Variants in TFCP2L1 observed in about 807,000 individuals in gnomAD.
TFCP2L1 encodes the protein transcription factor CP2 like 1, also known as transcription factor CP2-like protein 1.
TFCP2L1 carries 12 observed loss-of-function variants against 72.2 expected under a neutral mutation model. The observed-to-expected ratio is 0.17, with a 90% CI of 0.11 to 0.27. The LOEUF (loss-of-function observed/expected upper bound fraction) is 0.27, where lower values mean the gene tolerates loss of function less well. TFCP2L1 is among the 10% of genes least tolerant of loss of function. The pLI is 1.00. For synonymous variants in TFCP2L1, 260 were observed against 251.0 expected (o/e 1.04, Z -0.34); for missense variants, 488 against 624.6 (o/e 0.78, Z 2.33).
intron 2 of TFCP2L1, among the ~76,000 whole-genome samples, chr2:121,279,428 G>C (rs1279164055): frequency 6.6e-6 from 1 of 152,186 alleles, no homozygotes; most frequent in Non-Finnish European, 1.5e-5. Flanking sequence ...CTCCGGGCCT[G>C]AGCAGGAAGC....
intron 2 of TFCP2L1, among the ~76,000 whole-genome samples, chr2:121,254,337 T>C (rs926650149): frequency 3.9e-5 from 6 of 152,194 alleles, no homozygotes; most frequent in African/African-American, 1.4e-4. Flanking sequence ...TTAAAATTTC[T>C]GTAAGAGACA....
intron 6 of TFCP2L1, among the ~76,000 whole-genome samples, chr2:121,246,083 CG>C (rs1314660464): frequency 1.3e-5 from 2 of 152,274 alleles, no homozygotes; most frequent in East Asian, 3.9e-4. Flanking sequence ...AGAGCGGCCC[CG>C]GCAGACAGGG....
At chr2:121,273,379 CTACAAT>C (rs1190273794) in intron 2 of TFCP2L1, among the ~76,000 whole-genome samples, 10 of 152,184 alleles carry the variant, frequency 6.6e-5, no homozygotes, top group Non-Finnish European at 1.3e-4. Context: ...GAAGATATGT[CTACAAT>C]GACCTTTGGC....
chr2:121,235,200 C>T, intron 11 of TFCP2L1, 21 bp downstream of exon 11: 1 of 1,614,020 alleles, frequency 6.2e-7, no homozygotes, highest in Non-Finnish European at 8.5e-7. Context: ...TGGCTGGCTT[C>T]ACAGAGAAAC....
chr2:121,240,778 T>A, intron 7 of TFCP2L1: 1 of 977,356 alleles, frequency 1.0e-6, no homozygotes, highest in Non-Finnish European at 1.2e-6. Flanking sequence ...AAGAAACTGG[T>A]CTGGCCTCTA....
rs193114070 is a variant in TFCP2L1, at chr2:121,232,199, C to T, written c.1199-231G>A. Among the ~76,000 whole-genome samples the T allele has an allele frequency of 5.3e-5, 8 of 152,004 alleles. No individual in the cohort carries two copies. In the East Asian group the frequency reaches 1.2e-3, roughly 22 times the overall value. The stretch of plus-strand genomic sequence containing the variant: ...TGTCGCCTAAGCTGGAGTGCAGCAG[C>T]GTGATCTCGGCTCACTGCAACCTCC... On this transcript the variant is annotated intron_variant, in intron 12 of 14. Transcript: ENST00000263707.
At position 121,223,182 on chromosome 2, in the gene TFCP2L1, A is replaced by G. The variant is rs1685958494; in HGVS notation, c.*1159T>C. 1 of 152,194 alleles carries G rather than the reference A, an allele frequency of 6.6e-6. No individual in the cohort carries two copies. The highest frequency in any genetic ancestry group is 2.1e-4 in the South Asian group (1 of 4,832). 9.4% of individuals were successfully genotyped at this position (152,194 alleles called of 1,614,324 possible). A position where few individuals can be genotyped will look rare whatever the true frequency, so the allele number is the denominator to read the frequency against. On this transcript the variant is annotated 3_prime_UTR_variant, in exon 15 of 15. Coordinates refer to ENST00000263707, the MANE Select transcript of TFCP2L1 (RefSeq NM_014553.3). ...ATGAACCTAAATTAACCAAGAGCTG[A>G]AGCCCTGGGCCAGTAGAGATCACTG...
chr2:121,275,499 A>C (rs1003053402), intron 2 of TFCP2L1, among the ~76,000 whole-genome samples: 1 of 151,698 alleles, frequency 6.6e-6, no homozygotes, highest in African/African-American at 2.4e-5. Flanking sequence ...ATTTAATAAA[A>C]GCAAGAAACA....
In TFCP2L1 at chr2:121,235,561, GCTTT is replaced by G. The variant is rs1159551768; in HGVS notation, c.1004-254_1004-251del. ...CACTGCCTCATTGCCTGCCCTGCTT[GCTTT>G]CTTTCTTTCTTTTTTTTTTTTTTTT... On this transcript the variant is annotated intron_variant, in intron 10 of 14. Transcript: ENST00000263707. 8.6e-5 allele frequency among the ~76,000 whole-genome samples: 12 copies of G among 138,742 alleles called. No individual in the cohort carries two copies. The East Asian group carries it at 1.5e-3, about 18-fold the overall frequency. The allele number at this position is 138,742 out of a possible 152,430, so 91.0% of individuals were successfully genotyped here.
intron 2 of TFCP2L1, among the ~76,000 whole-genome samples, chr2:121,272,109 G>C (rs1687059264): frequency 6.6e-6 from 1 of 152,020 alleles, no homozygotes; most frequent in Non-Finnish European, 1.5e-5. Flanking sequence ...AGAAAGAAAG[G>C]GTGCTTCCCC....
chr2:121,266,063 C>T (rs1686924552), intron 2 of TFCP2L1, among the ~76,000 whole-genome samples: 3 of 151,578 alleles, frequency 2.0e-5, no homozygotes, highest in African/African-American at 7.3e-5. Flanking sequence ...ATGGTGTTTC[C>T]TTATGTTGCC....
Position 121,216,856 on chromosome 2 carries a change from A to G in TFCP2L1, c.*7485T>C, listed in dbSNP as rs943646903. ...CAATCTGGAGAAAGGTGTGGAGGTT[A>G]CATCTTTAGAAAGAAATCATTTTAA... On this transcript the variant is annotated 3_prime_UTR_variant, in exon 15 of 15. Coordinates refer to ENST00000263707, the MANE Select transcript of TFCP2L1 (RefSeq NM_014553.3). The G allele has an allele frequency of 3.5e-4, 54 of 152,366 alleles. No individual in the cohort carries two copies. Among genetic ancestry groups the G allele is most frequent in the African/African-American group, 1.3e-3 (52 of 41,572 alleles). The allele number at this position is 152,366 out of a possible 1,614,324, so 9.4% of individuals were successfully genotyped here.
At chr2:121,260,339 T>G (rs1453051353) in intron 2 of TFCP2L1, among the ~76,000 whole-genome samples, 1 of 152,176 alleles carries the variant, frequency 6.6e-6, no homozygotes, top group Non-Finnish European at 1.5e-5. Flanking sequence ...GCTGAGTTCT[T>G]AAATCTCTCA....
intron 13 of TFCP2L1, among the ~76,000 whole-genome samples, chr2:121,226,949 A>C (rs866291631): frequency 6.6e-6 from 1 of 152,320 alleles, no homozygotes; most frequent in African/African-American, 2.4e-5. Flanking sequence ...TTAGCGCAGC[A>C]CCGTCTGCAG....
chr2:121,256,407 T>C (rs1208398545), intron 2 of TFCP2L1, among the ~76,000 whole-genome samples: 3 of 152,234 alleles, frequency 2.0e-5, no homozygotes, highest in African/African-American at 4.8e-5. Flanking sequence ...GATGGGTCCA[T>C]CTTTTCTCAA....
intron 12 of TFCP2L1, among the ~76,000 whole-genome samples, chr2:121,233,506 C>A (rs1324386387): frequency 6.6e-6 from 1 of 152,214 alleles, no homozygotes; most frequent in East Asian, 1.9e-4. Context: ...GTATATTCCC[C>A]AGGCTGGCCT....
In TFCP2L1 at chr2:121,223,564, G is replaced by C. The variant is rs1685967044; in HGVS notation, c.*777C>G. ...CCCGTGATTGCCAGGAAATAAAATA[G>C]TCTTTTTCTATTACCATCCCCCTAA... On this transcript the variant is annotated 3_prime_UTR_variant, in exon 15 of 15. Coordinates refer to ENST00000263707, the MANE Select transcript of TFCP2L1 (RefSeq NM_014553.3). 1.3e-5 allele frequency: 2 copies of C among 152,348 alleles called. No homozygotes were observed. The highest frequency in any genetic ancestry group is 4.8e-5 in the African/African-American group (2 of 41,416). 9.4% of individuals were successfully genotyped at this position (152,348 alleles called of 1,614,324 possible). A position where few individuals can be genotyped will look rare whatever the true frequency, so the allele number is the denominator to read the frequency against.
chr2:121,247,108 G>T, intron 5 of TFCP2L1, 138 bp from the exon 6 acceptor site: 1 of 1,032,924 alleles, frequency 9.7e-7, no homozygotes, highest in Non-Finnish European at 1.4e-6. Flanking sequence ...TGCTTTCCCT[G>T]ACACTCTGTC....
intron 2 of TFCP2L1, among the ~76,000 whole-genome samples, chr2:121,268,398 G>T (rs1175963300): frequency 2.6e-5 from 4 of 151,892 alleles, no homozygotes; most frequent in Non-Finnish European, 5.9e-5. Context: ...CTGTTACCCA[G>T]GCTGGAGTGC....
Sources: gnomAD v4.1 joint callset for allele counts (sites outside exome capture counted in the v4.1 genomes callset) on GRCh38, gnomAD v4.1.1 for gene constraint, MANE v1.5 for transcripts, NCBI Gene and HGNC (gene_info 2026-07-23, HGNC 2026-07-21) for gene names.